The following CATSPERD variants were observed in gnomAD, a reference collection of about 807,000 sequenced individuals.
The protein encoded by CATSPERD is cation channel sperm-associated auxiliary subunit delta.
A neutral mutation model predicts 98.1 loss-of-function variants in CATSPERD; 86 were observed. The ratio of observed to expected loss-of-function variants is 0.88; its 90% CI spans 0.74 to 1.05. The LOEUF (loss-of-function observed/expected upper bound fraction) is 1.05. Among genes scored for constraint, CATSPERD ranks in the 50% least tolerant of loss-of-function variants. The pLI, the probability that CATSPERD is intolerant of heterozygous loss-of-function variation, is 0.00. For synonymous variants in CATSPERD, 394 were observed against 390.2 expected (o/e 1.01, Z -0.12); for missense variants, 995 against 1,005.7 (o/e 0.99, Z 0.14).
chr19:5,775,027 A>T (rs140153748), intron 20 of CATSPERD, among the ~76,000 whole-genome samples: 2 of 152,204 alleles, frequency 1.3e-5, no homozygotes, highest in Non-Finnish European at 2.9e-5. Context: ...AAAATAAAAA[A>T]GTCATTGGAA....
intron 17 of CATSPERD, 80 bp downstream of exon 17, chr19:5,766,235 C>T: frequency 8.5e-7 from 1 of 1,181,988 alleles, no homozygotes. Context: ...CAGATCACTT[C>T]AGGTCAGGAG....
At chr19:5,743,912 A>G (rs548421480) in intron 7 of CATSPERD, among the ~76,000 whole-genome samples, 25 of 152,304 alleles carry the variant, frequency 1.6e-4, no homozygotes, top group African/African-American at 5.8e-4. Context: ...AGTCTGGGTC[A>G]TATCATTTTC....
chr19:5,767,970 G>C (rs2056574350), intron 17 of CATSPERD, among the ~76,000 whole-genome samples, 198 bp from the exon 18 acceptor site: 1 of 151,982 alleles, frequency 6.6e-6, no homozygotes. Context: ...CTAACTTTTT[G>C]TATCTTTAGT....
intron 8 of CATSPERD, among the ~76,000 whole-genome samples, chr19:5,745,065 C>T (rs896808177): frequency 6.6e-5 from 10 of 151,998 alleles, no homozygotes; most frequent in African/African-American, 2.2e-4. Flanking sequence ...GCTTCAGCCT[C>T]CTGAATAGCT....
intron 18 of CATSPERD, among the ~76,000 whole-genome samples, chr19:5,769,958 A>G (rs1371685105): frequency 6.6e-6 from 1 of 151,446 alleles, no homozygotes; most frequent in Non-Finnish European, 1.5e-5. Flanking sequence ...GCGTGGTGGC[A>G]CATGCCTGTA....
In CATSPERD at chr19:5,778,586, C is replaced by T. The variant is rs2305926; in HGVS notation, c.2307C>T (p.Val769=). Residue 769 remains valine, a synonymous_variant, in exon 22 of 22, where the codon GTC becomes GTT. Coordinates refer to ENST00000381624, the MANE Select transcript of CATSPERD (RefSeq NM_152784.4). ...ATQLCRRCKT[V]CQFRASATAR... Reference sequence around the variant, plus strand: ...AGCTGTGTAGGAGATGCAAGACGGTCTGCCAGTTCAGGGCCTCAGCCACAG... The same window carrying T: ...AGCTGTGTAGGAGATGCAAGACGGTTTGCCAGTTCAGGGCCTCAGCCACAG... 16 of 1,613,820 alleles carry T rather than the reference C, an allele frequency of 9.9e-6. 1 individual carries two copies. The highest frequency in any genetic ancestry group is 5.0e-5 in the Admixed American group (3 of 60,008).
At chr19:5,760,596 G>A (rs1252493344) in intron 15 of CATSPERD, among the ~76,000 whole-genome samples, 3 of 151,158 alleles carry the variant, frequency 2.0e-5, no homozygotes, top group East Asian at 2.0e-4. Flanking sequence ...TGGGGAGGGG[G>A]ATGGGGAGTG....
chr19:5,744,437 T>A lies in CATSPERD; in HGVS notation c.584T>A (p.Ile195Asn). 1 of 1,611,650 alleles carries A rather than the reference T, an allele frequency of 6.2e-7. No homozygotes were observed. The highest frequency in any genetic ancestry group is 8.5e-7 in the Non-Finnish European group (1 of 1,178,356). The change falls in exon 8 of 22, where the codon ATT (isoleucine) becomes AAT (asparagine). Residue 195 changes from isoleucine (I) to asparagine (N), a missense_variant. This residue lies in a region of CATSPERD where 762 missense variants were observed against 773.7 expected (regional missense o/e 0.98). Transcript: ENST00000381624. ...CTGTTTGTTTCATAGGCAGAAATCA[T>A]TGGGTCTTTAGGCGGAATCTTCCAC... ...KYHYDRQAEIIGSLGGIFHFF... is the reference protein window; with the variant it reads ...KYHYDRQAEINGSLGGIFHFF...
chr19:5,731,078 C>T (rs1291442168), intron 4 of CATSPERD, among the ~76,000 whole-genome samples: 6 of 141,546 alleles, frequency 4.2e-5, no homozygotes, highest in African/African-American at 1.6e-4. Context: ...GGTGACAGAG[C>T]GAGACTCCGT....
Position 5,778,461 on chromosome 19 carries a change from C to A in CATSPERD, c.2182C>A (p.Leu728Met). Reference sequence around the variant, plus strand: ...GGTCTCTGCTGGAGTCGTCATCCTACTGATCATCTCCAGCATCCTGGGGTC... The same window carrying A: ...GGTCTCTGCTGGAGTCGTCATCCTAATGATCATCTCCAGCATCCTGGGGTC... ...QLVSAGVVIL[L>M]IISSILGSVW... The change falls in exon 22 of 22, where the codon CTG (leucine) becomes ATG (methionine). Residue 728 changes from leucine to methionine, a missense_variant. By Grantham distance (15) the Leu-to-Met change is conservative. This residue lies in a region of CATSPERD where 762 missense variants were observed against 773.7 expected (regional missense o/e 0.98). Coordinates refer to ENST00000381624, the MANE Select transcript of CATSPERD (RefSeq NM_152784.4). 6.2e-7 allele frequency: 1 copy of A among 1,613,894 alleles called. No homozygotes were observed. The highest frequency in any genetic ancestry group is 8.5e-7 in the Non-Finnish European group (1 of 1,179,906).
intron 19 of CATSPERD, among the ~76,000 whole-genome samples, chr19:5,771,548 T>C (rs1428265777): frequency 6.6e-6 from 1 of 151,772 alleles, no homozygotes; most frequent in Non-Finnish European, 1.5e-5. Flanking sequence ...GATGGGCTTT[T>C]CTTTATGCCT....
At chr19:5,726,096 C>A (rs1213603817) in intron 2 of CATSPERD, among the ~76,000 whole-genome samples, 6 of 147,446 alleles carry the variant, frequency 4.1e-5, no homozygotes, top group African/African-American at 1.5e-4. Context: ...GAGTCTTGCT[C>A]TGTCACCCAG....
chr19:5,742,731 G>A (rs1049627034), intron 7 of CATSPERD, among the ~76,000 whole-genome samples: 6 of 152,176 alleles, frequency 3.9e-5, no homozygotes, highest in African/African-American at 7.2e-5. Context: ...TGACGCTACA[G>A]TGGGGTGTGA....
intron 5 of CATSPERD, among the ~76,000 whole-genome samples, chr19:5,736,346 G>A (rs1421440883): frequency 6.6e-6 from 1 of 152,174 alleles, no homozygotes; most frequent in Non-Finnish European, 1.5e-5. Context: ...ATCCTACAAT[G>A]CATAGGAAAC....
At chr19:5,729,669 C>G (rs1230387563) in intron 3 of CATSPERD, among the ~76,000 whole-genome samples, 6 of 152,140 alleles carry the variant, frequency 3.9e-5, no homozygotes, top group Admixed American at 2.6e-4. Context: ...TTGATGTATT[C>G]ACACATTTAA....
At chr19:5,753,751 T>G in intron 12 of CATSPERD, 1 of 251,624 alleles carries the variant, frequency 4.0e-6, no homozygotes, top group Non-Finnish European at 8.1e-6. Context: ...TGCACGCCTG[T>G]AGTCCTGGCT....
intron 20 of CATSPERD, among the ~76,000 whole-genome samples, chr19:5,775,648 CAAAAAAA>C (rs1156270373): frequency 3.3e-5 from 2 of 61,496 alleles, no homozygotes; most frequent in South Asian, 5.8e-4. Flanking sequence ...AACCCCATCT[CAAAAAAA>C]AAAAAAAAAA....
intron 4 of CATSPERD, among the ~76,000 whole-genome samples, chr19:5,731,865 G>A (rs780131861): frequency 2.6e-4 from 40 of 152,132 alleles, no homozygotes; most frequent in African/African-American, 5.1e-4. Flanking sequence ...GTGAGCCACC[G>A]CGCCCGGCCT....
At position 5,754,371 on chromosome 19, in the gene CATSPERD, T is replaced by C. The variant is rs926554331; in HGVS notation, c.1278+126T>C. 3 of 524,938 alleles carry C rather than the reference T, an allele frequency of 5.7e-6. No homozygotes were observed. In the African/African-American group the frequency reaches 5.8e-5, roughly 10 times the overall value. The allele number at this position is 524,938 out of a possible 1,614,324, so 32.5% of individuals were successfully genotyped here. ...GACGCTACTCGCACACTCACAATTC[T>C]GCATAGAAATTGTCTCTGTGTCTTT... is the stretch of plus-strand genomic sequence containing the variant. On this transcript the variant is annotated intron_variant, in intron 13 of 21. Coordinates refer to ENST00000381624, the MANE Select transcript of CATSPERD (RefSeq NM_152784.4).
Sources: gnomAD v4.1 joint callset for allele counts (sites outside exome capture counted in the v4.1 genomes callset) on GRCh38, gnomAD v4.1.1 for gene constraint, gnomAD v4.1.1 regional missense constraint, MANE v1.5 for transcripts, NCBI Gene and HGNC (gene_info 2026-07-23, HGNC 2026-07-21) for gene names.